Variants in EPS8 observed in about 807,000 individuals in gnomAD.
EPS8 encodes the protein epidermal growth factor receptor kinase substrate 8.
A neutral mutation model predicts 103.8 loss-of-function variants in EPS8; 42 were observed. The observed-to-expected ratio is 0.40, with a 90% CI of 0.32 to 0.52. The LOEUF is 0.52. EPS8 is among the 20% of genes least tolerant of loss of function. The pLI is 0.40. For synonymous variants in EPS8, 344 were observed against 344.6 expected (o/e 1.00, Z 0.02); for missense variants, 969 against 1,005.1 (o/e 0.96, Z 0.49).
intron 14 of EPS8, among the ~76,000 whole-genome samples, chr12:15,650,571 A>G (rs1325442469): frequency 6.6e-6 from 1 of 151,342 alleles, no homozygotes; most frequent in East Asian, 2.0e-4. Context: ...AGTGGCAACA[A>G]GGGGAGGGGT....
chr12:15,659,522 T>G (rs1451791574), intron 10 of EPS8, among the ~76,000 whole-genome samples: 1 of 152,134 alleles, frequency 6.6e-6, no homozygotes, highest in African/African-American at 2.4e-5. Context: ...CATAGAGAAT[T>G]TCAAAAGGAA....
Position 15,641,724 on chromosome 12 carries a change from C to T in EPS8, c.1675G>A (p.Glu559Lys), listed in dbSNP as rs758920153. ...ELSVLKDDIL[E>K]ILDDRKQWWK... ...TAAAAAAGAAAAAATTATATTACCT[C>T]TAAAATATCATCCTTTAGAACCGAG... The change falls in exon 16 of 21, where the codon GAG (glutamate) becomes AAG (lysine). Residue 559 changes from glutamate (E) to lysine (K), a missense_variant and splice_region_variant. Transcript: ENST00000281172. 2 of 1,501,878 alleles carry T rather than the reference C, an allele frequency of 1.3e-6. No homozygotes were observed. Among genetic ancestry groups the T allele is most frequent in the South Asian group, 2.6e-5 (2 of 78,242 alleles). The allele number at this position is 1,501,878 out of a possible 1,614,324, so 93.0% of individuals were successfully genotyped here. A position where few individuals can be genotyped will look rare whatever the true frequency, so the allele number is the denominator to read the frequency against.
intron 8 of EPS8, among the ~76,000 whole-genome samples, chr12:15,663,224 A>G (rs1945638240): frequency 6.6e-6 from 1 of 152,150 alleles, no homozygotes; most frequent in East Asian, 1.9e-4. Context: ...CCCAAAAAAT[A>G]TCATTTGGAG....
rs118031142 is a variant in EPS8 at position 15,757,856 on chromosome 12, T to C, written c.-22+31305A>G. Among the ~76,000 whole-genome samples the C allele has an allele frequency of 3.5e-4, 53 of 152,288 alleles. No individual in the cohort carries two copies. Among genetic ancestry groups the C allele is most frequent in the Admixed American group, 5.9e-4 (9 of 15,290 alleles). ...AAAACTTAGCAGCTTAGAAGAACAATAGCGTAAGGTACTAGCTCTCACAGT... is the reference window on the plus strand; with the variant it reads ...AAAACTTAGCAGCTTAGAAGAACAACAGCGTAAGGTACTAGCTCTCACAGT... On this transcript the variant is annotated intron_variant, in intron 1 of 20. Transcript: ENST00000281172. The surrounding 1 kb of genome is among the most constrained non-coding windows in gnomAD (Gnocchi z 4.1).
At chr12:15,765,719 C>G (rs1410565499) in intron 1 of EPS8, among the ~76,000 whole-genome samples, 1 of 150,480 alleles carries the variant, frequency 6.6e-6, no homozygotes, top group Admixed American at 6.6e-5. Flanking sequence ...AAAATGTCTG[C>G]AGGGAGTTAA....
Position 15,695,869 on chromosome 12 carries a change from G to T in EPS8, c.-21-12897C>A. ...AGGCACCTGTAATCCCAGCTACTCGGGAGGCTGAGACAGGAGAATCACTTG... is the reference window on the plus strand; with the variant it reads ...AGGCACCTGTAATCCCAGCTACTCGTGAGGCTGAGACAGGAGAATCACTTG... On this transcript the variant is annotated intron_variant, in intron 1 of 20. Coordinates refer to ENST00000281172, the MANE Select transcript of EPS8 (RefSeq NM_004447.6). This position sits in a 1 kb window ranked among gnomAD's most constrained non-coding sequence, Gnocchi z 5.0. Among the ~76,000 whole-genome samples, 1 of 152,304 alleles carries T rather than the reference G, an allele frequency of 6.6e-6. No homozygotes were observed. The highest frequency in any genetic ancestry group is 2.1e-4 in the South Asian group (1 of 4,828).
chr12:15,673,303 C>T (rs1398234573), intron 3 of EPS8, among the ~76,000 whole-genome samples: 1 of 151,588 alleles, frequency 6.6e-6, no homozygotes, highest in Non-Finnish European at 1.5e-5. Flanking sequence ...TGTATAAATG[C>T]CATAAATGGA....
At chr12:15,788,079 G>T (rs1783229553) in intron 1 of EPS8, 1 of 151,994 alleles carries the variant, frequency 6.6e-6, no homozygotes. Context: ...TACTTTGAGG[G>T]GCTTTTTCAA....
chr12:15,679,326 G>A (rs949272847), intron 3 of EPS8, among the ~76,000 whole-genome samples: 1 of 152,106 alleles, frequency 6.6e-6, no homozygotes, highest in African/African-American at 2.4e-5. Context: ...TCTTCCCAAT[G>A]TGGTCTACGT....
At chr12:15,631,114 G>A (rs911823830) in intron 18 of EPS8, among the ~76,000 whole-genome samples, 6 of 152,196 alleles carry the variant, frequency 3.9e-5, no homozygotes, top group African/African-American at 1.4e-4. Flanking sequence ...GAAGTGCTGA[G>A]AGGATAATTA....
chr12:15,774,583 TAAATATATATGTACACATATA>T (rs1947188166), intron 1 of EPS8, among the ~76,000 whole-genome samples: 1 of 147,806 alleles, frequency 6.8e-6, no homozygotes, highest in Non-Finnish European at 1.5e-5. Context: ...TATACACATA[TAAATATATATGTACACATATA>T]AAATATATAT....
intron 15 of EPS8, among the ~76,000 whole-genome samples, chr12:15,646,125 C>A (rs975747915): frequency 2.0e-5 from 3 of 151,880 alleles, no homozygotes; most frequent in African/African-American, 7.3e-5. Context: ...CATATGTTGG[C>A]ATTTAAAAAA....
chr12:15,789,096 T>C lies in EPS8; in HGVS notation c.-22+65A>G, dbSNP rs900218388. On this transcript the variant is annotated intron_variant, in intron 1 of 20. Transcript: ENST00000281172. The surrounding 1 kb of genome is among the most constrained non-coding windows in gnomAD (Gnocchi z 6.1). The stretch of plus-strand genomic sequence containing the variant: ...GATTCCAGCACACAAAGGCGGATTT[T>C]TAAAATCGAGAAAGTCAAAGCCGCC... 6.6e-6 allele frequency: 1 copy of C among 152,046 alleles called. No individual in the cohort carries two copies. The highest frequency in any genetic ancestry group is 2.4e-5 in the African/African-American group (1 of 41,398). 9.4% of individuals were successfully genotyped at this position (152,046 alleles called of 1,614,324 possible). A position where few individuals can be genotyped will look rare whatever the true frequency, so the allele number is the denominator to read the frequency against.
At position 15,698,160 on chromosome 12, in the gene EPS8, A is replaced by G. The variant is rs549653229; in HGVS notation, c.-21-15188T>C. On this transcript the variant is annotated intron_variant, in intron 1 of 20. Transcript: ENST00000281172. The surrounding 1 kb of genome is among the most constrained non-coding windows in gnomAD (Gnocchi z 4.9). The stretch of plus-strand genomic sequence containing the variant: ...AAACTGTTTAATAAAGGAAAAATGG[A>G]AAAACTCTACAATTTTCTAAAATAT... 2.0e-5 allele frequency among the ~76,000 whole-genome samples: 3 copies of G among 152,330 alleles called. No homozygotes were observed. In the South Asian group the frequency reaches 6.2e-4, roughly 32 times the overall value.
intron 1 of EPS8, among the ~76,000 whole-genome samples, chr12:15,758,699 T>C (rs961586767): frequency 1.8e-4 from 28 of 152,216 alleles, no homozygotes; most frequent in African/African-American, 6.3e-4. Context: ...TTCATATGAT[T>C]GCAGAAATTT....
rs1169940425 is a variant in EPS8, at chr12:15,697,765, T to C, written c.-21-14793A>G. 6.6e-6 allele frequency among the ~76,000 whole-genome samples: 1 copy of C among 152,198 alleles called. No individual in the cohort carries two copies. The highest frequency in any genetic ancestry group is 1.9e-4 in the East Asian group (1 of 5,200). ...TAAAAAAGAACTGATAATCTAGCTTTACTGATAAGTAAGAAAAAAAGGGAA... is the reference window on the plus strand; with the variant it reads ...TAAAAAAGAACTGATAATCTAGCTTCACTGATAAGTAAGAAAAAAAGGGAA... On this transcript the variant is annotated intron_variant, in intron 1 of 20. Transcript: ENST00000281172. This position sits in a 1 kb window ranked among gnomAD's most constrained non-coding sequence, Gnocchi z 5.6.
In EPS8 at chr12:15,747,862, T is replaced by C. The variant is rs1395939496; in HGVS notation, c.-22+41299A>G. 2.6e-5 allele frequency among the ~76,000 whole-genome samples: 4 copies of C among 151,858 alleles called. No individual in the cohort carries two copies. On this transcript the variant is annotated intron_variant, in intron 1 of 20. Transcript: ENST00000281172. The surrounding 1 kb of genome is among the most constrained non-coding windows in gnomAD (Gnocchi z 4.4). The stretch of plus-strand genomic sequence containing the variant: ...GGTGAAACCCCGTCTCTACTAAAAA[T>C]ACAAAGAATTAGCCGGACGTGGTGG...
chr12:15,665,856 T>G lies in EPS8; in HGVS notation c.636A>C (p.Pro212=). The G allele has an allele frequency of 6.2e-7, 1 of 1,613,982 alleles. No individual in the cohort carries two copies. The highest frequency in any genetic ancestry group is 8.5e-7 in the Non-Finnish European group (1 of 1,179,946). ...GGGGCGCAGGGGCAGGAGCTCTGGG[T>G]GGAGGCGGTATACTAGGGTCTGCAT... is the stretch of plus-strand genomic sequence containing the variant. ...ISNADPSIPP[P]PRAPAPAPPG... The change falls in exon 8 of 21, where the codon CCA becomes CCC. Residue 212 remains proline, a synonymous_variant. Coordinates refer to ENST00000281172, the MANE Select transcript of EPS8 (RefSeq NM_004447.6).
chr12:15,634,654 A>G, intron 17 of EPS8: 2 of 398,328 alleles, frequency 5.0e-6, no homozygotes, highest in Non-Finnish European at 8.9e-6. Flanking sequence ...GCACAGCTGG[A>G]ACATTTGGAG....
Sources: gnomAD v4.1 joint callset for allele counts (sites outside exome capture counted in the v4.1 genomes callset) on GRCh38, gnomAD v4.1.1 for gene constraint, Gnocchi (gnomAD v3.1) non-coding constraint, MANE v1.5 for transcripts, NCBI Gene and HGNC (gene_info 2026-07-23, HGNC 2026-07-21) for gene names.